Variants in MICU2 observed in about 807,000 individuals in gnomAD.
MICU2 encodes mitochondrial calcium uptake 2, also known as calcium uptake protein 2, mitochondrial.
A neutral mutation model predicts 60.4 loss-of-function variants in MICU2; 64 were observed. The ratio of observed to expected loss-of-function variants is 1.06; its 90% confidence interval spans 0.87 to 1.31. The LOEUF (loss-of-function observed/expected upper bound fraction) is 1.31, where lower values mean the gene tolerates loss of function less well. Among genes scored for constraint, MICU2 ranks in the 50% most tolerant of loss-of-function variants. MICU2 has a pLI of 0.00. For missense variants in MICU2, 569 were observed against 531.0 expected (o/e 1.07, Z -0.70); for synonymous variants, 201 against 175.0 (o/e 1.15, Z -1.17).
At chr13:21,573,899 C>T (rs1189833328) in intron 1 of MICU2, among the ~76,000 whole-genome samples, 1 of 152,170 alleles carries the variant, frequency 6.6e-6, no homozygotes, top group Non-Finnish European at 1.5e-5. Context: ...TTTTGTCCCT[C>T]CTCACCTCAA....
At chr13:21,602,764 T>G (rs1208727347) in intron 1 of MICU2, 1 of 152,178 alleles carries the variant, frequency 6.6e-6, no homozygotes, top group Non-Finnish European at 1.5e-5. Context: ...TTCCTCTCTT[T>G]TTTGTTGTAT....
intron 1 of MICU2, among the ~76,000 whole-genome samples, chr13:21,598,082 A>C (rs1389415535): frequency 6.6e-6 from 1 of 152,154 alleles, no homozygotes; most frequent in Non-Finnish European, 1.5e-5. Flanking sequence ...TATAATAAGG[A>C]ATTTGTATTT....
chr13:21,571,096 G>A (rs1258882709), intron 1 of MICU2, among the ~76,000 whole-genome samples: 1 of 151,686 alleles, frequency 6.6e-6, no homozygotes, highest in Non-Finnish European at 1.5e-5. Context: ...GTTTCAGGTT[G>A]CTTTTTTTTT....
chr13:21,514,394 CTTGT>C lies in MICU2; in HGVS notation c.618_621del (p.Gln207MetfsTer3). 1 of 1,613,504 alleles carries C rather than the reference CTTGT, an allele frequency of 6.2e-7. No individual in the cohort carries two copies. The highest frequency in any genetic ancestry group is 8.5e-7 in the Non-Finnish European group (1 of 1,179,690). The stretch of plus-strand genomic sequence containing the variant: ...TTAGTTTTCACTGTCATCAAGTCAT[CTTGT>C]TTACTTATGATCTTCTGCAGCTAAA... On this transcript the variant is annotated frameshift_variant, in exon 7 of 12. Transcript: ENST00000382374. LOFTEE classifies it high-confidence loss of function.
At chr13:21,524,480 C>T (rs1163170046) in intron 4 of MICU2, among the ~76,000 whole-genome samples, 1 of 152,156 alleles carries the variant, frequency 6.6e-6, no homozygotes. Flanking sequence ...AATTCCTTAA[C>T]ATCTTCAAAT....
chr13:21,565,790 G>C (rs1458487888), intron 2 of MICU2, among the ~76,000 whole-genome samples: 1 of 152,202 alleles, frequency 6.6e-6, no homozygotes, highest in African/African-American at 2.4e-5. Flanking sequence ...CTGAGATCAT[G>C]CCATTGCACT....
At chr13:21,514,235 G>A in intron 7 of MICU2, 118 bp downstream of exon 7, 2 of 784,650 alleles carry the variant, frequency 2.5e-6, no homozygotes, top group South Asian at 1.8e-5. Context: ...GTGCATGACT[G>A]TATTAAAAAA....
At chr13:21,575,550 T>C (rs1366875796) in intron 1 of MICU2, among the ~76,000 whole-genome samples, 1 of 150,088 alleles carries the variant, frequency 6.7e-6, no homozygotes, top group Non-Finnish European at 1.5e-5. Flanking sequence ...CGGCGAGACA[T>C]CATATCTACA....
chr13:21,567,956 T>C (rs1888022901), intron 1 of MICU2, among the ~76,000 whole-genome samples: 1 of 152,196 alleles, frequency 6.6e-6, no homozygotes, highest in East Asian at 1.9e-4. Flanking sequence ...GACACAGTAG[T>C]TAAAAGACAC....
chr13:21,520,165 A>G (rs1302160638), intron 6 of MICU2, among the ~76,000 whole-genome samples: 2 of 152,160 alleles, frequency 1.3e-5, no homozygotes, highest in African/African-American at 4.8e-5. Context: ...ACTGTTAAGT[A>G]GTATTCTATT....
chr13:21,510,731 G>A (rs958174192), intron 7 of MICU2, among the ~76,000 whole-genome samples: 1 of 152,106 alleles, frequency 6.6e-6, no homozygotes, highest in African/African-American at 2.4e-5. Flanking sequence ...GTGTGGGATC[G>A]TCTAGCATGT....
At chr13:21,514,026 T>C (rs1259920306) in intron 7 of MICU2, among the ~76,000 whole-genome samples, 4 of 152,138 alleles carry the variant, frequency 2.6e-5, no homozygotes, top group African/African-American at 9.7e-5. Context: ...TAGGAACATG[T>C]AAATATAGCA....
At chr13:21,596,949 AAAAAT>A (rs1888708375) in intron 1 of MICU2, among the ~76,000 whole-genome samples, 1 of 152,240 alleles carries the variant, frequency 6.6e-6, no homozygotes, top group Admixed American at 6.5e-5. Flanking sequence ...TTCCAAATTT[AAAAAT>A]AATTTAATTG....
In MICU2 at chr13:21,582,090, T is replaced by C. The variant is rs534956997; in HGVS notation, c.211-15146A>G. Among the ~76,000 whole-genome samples the C allele has an allele frequency of 5.3e-5, 8 of 152,314 alleles. No individual in the cohort carries two copies. The South Asian group carries it at 8.3e-4, about 16-fold the overall frequency. On this transcript the variant is annotated intron_variant, in intron 1 of 11. Coordinates refer to ENST00000382374, the MANE Select transcript of MICU2 (RefSeq NM_152726.3). ...TCACATTAACTATGATAAATACTTA[T>C]AGCTTTTAGTAGAGAAACAACTAAA...
intron 4 of MICU2, among the ~76,000 whole-genome samples, chr13:21,527,163 T>G (rs1886879903): frequency 6.6e-6 from 1 of 152,248 alleles, no homozygotes; most frequent in Admixed American, 6.5e-5. Flanking sequence ...ATTTAGTCCT[T>G]CTATAAAGGG....
chr13:21,519,089 T>C (rs1238669266), intron 6 of MICU2, among the ~76,000 whole-genome samples: 1 of 152,188 alleles, frequency 6.6e-6, no homozygotes, highest in Non-Finnish European at 1.5e-5. Flanking sequence ...TTATTATTTT[T>C]TTTGAGACAG....
chr13:21,562,633 G>C (rs1032988832), intron 2 of MICU2, among the ~76,000 whole-genome samples: 7 of 152,022 alleles, frequency 4.6e-5, no homozygotes, highest in Admixed American at 2.0e-4. Flanking sequence ...ATACCACTTC[G>C]TGGGTGGTAC....
At chr13:21,571,433 C>A (rs769031758) in intron 1 of MICU2, among the ~76,000 whole-genome samples, 10 of 152,196 alleles carry the variant, frequency 6.6e-5, no homozygotes, top group African/African-American at 1.2e-4. Flanking sequence ...CACGGGGGCT[C>A]ACGCCTGTAA....
chr13:21,524,647 C>T (rs1886803564), intron 4 of MICU2, among the ~76,000 whole-genome samples: 1 of 152,154 alleles, frequency 6.6e-6, no homozygotes, highest in South Asian at 2.1e-4. Flanking sequence ...ATACAATTTA[C>T]CATTTAAACC....
Sources: gnomAD v4.1 joint callset for allele counts (sites outside exome capture counted in the v4.1 genomes callset) on GRCh38, gnomAD v4.1.1 for gene constraint, MANE v1.5 for transcripts, NCBI Gene and HGNC (gene_info 2026-07-23, HGNC 2026-07-21) for gene names.